Variants in OTULIN observed in about 807,000 individuals in gnomAD.
OTULIN encodes ubiquitin thioesterase otulin.
Under a neutral mutation model 39.6 loss-of-function variants are expected in OTULIN, and 15 were observed. The ratio of observed to expected loss-of-function variants is 0.38; its 90% CI spans 0.25 to 0.58. The LOEUF (loss-of-function observed/expected upper bound fraction) is 0.58. Among genes scored for constraint, OTULIN ranks in the 20% least tolerant of loss-of-function variants. OTULIN has a pLI of 0.66. For synonymous variants in OTULIN, 156 were observed against 170.3 expected (o/e 0.92, Z 0.65); for missense variants, 319 against 445.9 (o/e 0.72, Z 2.56).
Position 14,695,408 on chromosome 5 carries a change from T to G in OTULIN, c.*2360T>G, listed in dbSNP as rs1736640005. ...AAGTGGATTCAGGAGGATGTTCCAC[T>G]TAGAGCAGTCTTCAAAATGATAAGG... On this transcript the variant is annotated 3_prime_UTR_variant, in exon 7 of 7. Transcript: ENST00000284274. 1 of 152,210 alleles carries G rather than the reference T, an allele frequency of 6.6e-6. No individual in the cohort carries two copies. Among genetic ancestry groups the G allele is most frequent in the African/African-American group, 2.4e-5 (1 of 41,458 alleles). 9.4% of individuals were successfully genotyped at this position (152,210 alleles called of 1,614,324 possible).
the OTULIN span, chr5:14,709,765 GATACA>G: frequency 1.3e-5 from 2 of 152,588 alleles, no homozygotes; most frequent in South Asian, 2.1e-4. Flanking sequence ...AATGTTCATT[GATACA>G]ATACGTTTCA....
At chr5:14,681,367 A>G (rs781200982) in intron 3 of OTULIN, 97 bp from the exon 4 acceptor site, 193 of 1,430,582 alleles carry the variant, frequency 1.3e-4, no homozygotes, top group Middle Eastern at 1.8e-4. Context: ...GCATCCTCCC[A>G]GTGATCCCAG....
downstream of OTULIN, among the ~76,000 whole-genome samples, chr5:14,703,618 G>T (rs1338939219): frequency 6.6e-6 from 1 of 152,118 alleles, no homozygotes; most frequent in Non-Finnish European, 1.5e-5. Flanking sequence ...TGCCCCTTGT[G>T]GTATTAAGAG....
intron 3 of OTULIN, among the ~76,000 whole-genome samples, chr5:14,680,667 A>G (rs1292558059): frequency 1.3e-5 from 2 of 152,218 alleles, no homozygotes; most frequent in African/African-American, 4.8e-5. Context: ...ACGTTTCAGA[A>G]TGGTCCATTG....
chr5:14,696,103 T>G lies in OTULIN; in HGVS notation c.*3055T>G, dbSNP rs1402077987. On this transcript the variant is annotated 3_prime_UTR_variant, in exon 7 of 7. Transcript: ENST00000284274. ...AAGCCTTTGTGAGTTTTTATGTACTTGGTCTTTGTTTTTGTTATTCATCCT... is the reference window on the plus strand; with the variant it reads ...AAGCCTTTGTGAGTTTTTATGTACTGGGTCTTTGTTTTTGTTATTCATCCT... 1 of 152,070 alleles carries G rather than the reference T, an allele frequency of 6.6e-6. No individual in the cohort carries two copies. The highest frequency in any genetic ancestry group is 1.5e-5 in the Non-Finnish European group (1 of 68,030). The allele number at this position is 152,070 out of a possible 1,614,324, so 9.4% of individuals were successfully genotyped here.
At chr5:14,692,769 C>G in intron 6 of OTULIN, 85 bp from the exon 7 acceptor site, 1 of 1,220,668 alleles carries the variant, frequency 8.2e-7, no homozygotes, top group Non-Finnish European at 1.2e-6. Flanking sequence ...TTGCTGTGCA[C>G]TGTGGGATAA....
In OTULIN at chr5:14,698,169, A is replaced by G. The variant is rs1736720500; in HGVS notation, c.*5121A>G. The G allele has an allele frequency of 6.6e-6, 1 of 152,160 alleles. No homozygotes were observed. Among genetic ancestry groups the G allele is most frequent in the Non-Finnish European group, 1.5e-5 (1 of 68,006 alleles). 9.4% of individuals were successfully genotyped at this position (152,160 alleles called of 1,614,324 possible). A position where few individuals can be genotyped will look rare whatever the true frequency, so the allele number is the denominator to read the frequency against. ...TTAGCCACTTCTAACTTTTTGTATT[A>G]TGAATTTGGAGAGGATAACAAGCCA... On this transcript the variant is annotated 3_prime_UTR_variant, in exon 7 of 7. Coordinates refer to ENST00000284274, the MANE Select transcript of OTULIN (RefSeq NM_138348.6).
intron 1 of OTULIN, among the ~76,000 whole-genome samples, chr5:14,665,747 T>A (rs1353519204): frequency 6.6e-6 from 1 of 152,140 alleles, no homozygotes; most frequent in Non-Finnish European, 1.5e-5. Flanking sequence ...ATTTAAGATG[T>A]GTTTAAATGC....
intron 1 of OTULIN, 65 bp from the exon 2 acceptor site, chr5:14,673,577 T>C: frequency 6.9e-7 from 1 of 1,439,052 alleles, no homozygotes; most frequent in Non-Finnish European, 9.7e-7. Context: ...TAAGCAGCTG[T>C]ATAATAGGAC....
the OTULIN span, chr5:14,713,622 T>A: frequency 6.2e-7 from 1 of 1,614,172 alleles, no homozygotes; most frequent in Non-Finnish European, 8.5e-7. The surrounding 1 kb of genome is among the most constrained non-coding windows in gnomAD (Gnocchi z 4.4). Flanking sequence ...GACGAAGGTT[T>A]TCTTCAGTGT....
Position 14,664,989 on chromosome 5 carries a change from G to C in OTULIN, c.152+12G>C. 9.6e-7 allele frequency: 1 copy of C among 1,040,436 alleles called. No individual in the cohort carries two copies. Among genetic ancestry groups the C allele is most frequent in the Middle Eastern group, 4.5e-4 (1 of 2,202 alleles). 64.5% of individuals were successfully genotyped at this position (1,040,436 alleles called of 1,614,324 possible). A position where few individuals can be genotyped will look rare whatever the true frequency, so the allele number is the denominator to read the frequency against. On this transcript the variant is annotated intron_variant, in intron 1 of 6. Coordinates refer to ENST00000284274, the MANE Select transcript of OTULIN (RefSeq NM_138348.6). ...TGCCCGGCCGAGCAGTGAGTCCGCGGGGGCGCGGGGCGCGGGCCGTGGGCG... is the reference window on the plus strand; with the variant it reads ...TGCCCGGCCGAGCAGTGAGTCCGCGCGGGCGCGGGGCGCGGGCCGTGGGCG...
chr5:14,666,055 C>G (rs999520533), intron 1 of OTULIN, among the ~76,000 whole-genome samples: 2 of 152,310 alleles, frequency 1.3e-5, no homozygotes, highest in East Asian at 1.9e-4. Context: ...TCTCTTGCCC[C>G]CAAGCCCTGC....
chr5:14,705,482 T>C, the OTULIN span: 1 of 152,188 alleles, frequency 6.6e-6, no homozygotes, highest in Non-Finnish European at 1.5e-5. Context: ...CCAAGAAGCG[T>C]GAGTGATATG....
intron 4 of OTULIN, among the ~76,000 whole-genome samples, chr5:14,684,981 G>C (rs1363017998): frequency 2.0e-5 from 3 of 152,162 alleles, no homozygotes; most frequent in Admixed American, 6.5e-5. Context: ...TTTCTGCCCA[G>C]ATCCCAGTCT....
chr5:14,687,626 C>T lies in OTULIN; in HGVS notation c.574C>T (p.Leu192Phe). The T allele has an allele frequency of 1.2e-6, 2 of 1,613,154 alleles. No individual in the cohort carries two copies. Among genetic ancestry groups the T allele is most frequent in the Non-Finnish European group, 1.7e-6 (2 of 1,179,756 alleles). ...EDLVDKIKES[L>F]TLLRKKWAGL... ...CCTGGTTGATAAAATTAAAGAGTCC[C>T]TTACTCTGCTGAGGAAGAAGGTTTG... The change falls in exon 5 of 7, where the codon CTT becomes TTT. Residue 192 changes from leucine (L) to phenylalanine (F), a missense_variant. Around this residue, in one of 4 missense-constraint regions of OTULIN, gnomAD observed 54 missense variants for 50.7 expected, o/e 1.07. Coordinates refer to ENST00000284274, the MANE Select transcript of OTULIN (RefSeq NM_138348.6).
chr5:14,665,952 C>T (rs1237727997), intron 1 of OTULIN, among the ~76,000 whole-genome samples: 1 of 152,156 alleles, frequency 6.6e-6, no homozygotes, highest in African/African-American at 2.4e-5. Context: ...TGAAAGTCAG[C>T]GGGATTACCT....
At chr5:14,699,873 A>T (rs1401261759), downstream of OTULIN, among the ~76,000 whole-genome samples, 1 of 152,072 alleles carries the variant, frequency 6.6e-6, no homozygotes, top group Non-Finnish European at 1.5e-5. Context: ...TTGCCTGTTC[A>T]TGTTCTTTGC....
chr5:14,700,393 C>G (rs1035172866), downstream of OTULIN, among the ~76,000 whole-genome samples: 1 of 152,166 alleles, frequency 6.6e-6, no homozygotes, highest in Admixed American at 6.5e-5. Flanking sequence ...TTGCTGGTGT[C>G]CTAGAGTTGG....
In OTULIN at chr5:14,693,583, A is replaced by T. The variant is rs1561003918; in HGVS notation, c.*535A>T. The stretch of plus-strand genomic sequence containing the variant: ...TTTAAGTGGTATAATTCTGGGATAG[A>T]TCTGTTACTGGCATAGTCATGACAA... On this transcript the variant is annotated 3_prime_UTR_variant, in exon 7 of 7. Coordinates refer to ENST00000284274, the MANE Select transcript of OTULIN (RefSeq NM_138348.6). 1 of 152,230 alleles carries T rather than the reference A, an allele frequency of 6.6e-6. No homozygotes were observed. The highest frequency in any genetic ancestry group is 1.5e-5 in the Non-Finnish European group (1 of 68,098). 9.4% of individuals were successfully genotyped at this position (152,230 alleles called of 1,614,324 possible).
Sources: gnomAD v4.1 joint callset for allele counts (sites outside exome capture counted in the v4.1 genomes callset) on GRCh38, gnomAD v4.1.1 for gene constraint, gnomAD v4.1.1 regional missense constraint, Gnocchi (gnomAD v3.1) non-coding constraint, MANE v1.5 for transcripts, NCBI Gene and HGNC (gene_info 2026-07-23, HGNC 2026-07-21) for gene names.